FRMD4B: variants seen among roughly 807,000 people sequenced by gnomAD.
The protein encoded by FRMD4B is FERM domain-containing protein 4B.
Under a neutral mutation model 141.5 loss-of-function variants are expected in FRMD4B, and 74 were observed. The observed-to-expected ratio is 0.52, with a 90% CI of 0.43 to 0.63. FRMD4B has a LOEUF of 0.63. Among genes scored for constraint, FRMD4B ranks in the 30% least tolerant of loss-of-function variants. The probability of loss-of-function intolerance (pLI) is 0.00; values close to 1 mark genes in which losing one functional copy is unlikely to be tolerated. For missense variants in FRMD4B, 1,366 were observed against 1,253.4 expected (o/e 1.09, Z -1.36); for synonymous variants, 506 against 467.9 (o/e 1.08, Z -1.05).
intron 7 of FRMD4B, among the ~76,000 whole-genome samples, chr3:69,243,981 G>T (rs940837457): frequency 1.2e-4 from 18 of 152,274 alleles, no homozygotes; most frequent in African/African-American, 4.1e-4. Context: ...GGGAGGCGGA[G>T]GTTGCTGTGA....
chr3:69,405,179 T>G (rs1704628996), intron 2 of FRMD4B, among the ~76,000 whole-genome samples: 2 of 152,270 alleles, frequency 1.3e-5, no homozygotes, highest in South Asian at 4.1e-4. Context: ...TGCCATTGCT[T>G]CTTTTACACA....
chr3:69,325,604 T>C (rs1388101747), intron 1 of FRMD4B, among the ~76,000 whole-genome samples: 1 of 152,174 alleles, frequency 6.6e-6, no homozygotes, highest in Non-Finnish European at 1.5e-5. Flanking sequence ...CCTAAGAGAA[T>C]ATCATGGTAT....
chr3:69,320,229 T>A (rs538198463), intron 1 of FRMD4B, among the ~76,000 whole-genome samples: 47 of 152,190 alleles, frequency 3.1e-4, no homozygotes, highest in Middle Eastern at 3.4e-3. Flanking sequence ...AATTAAAAAA[T>A]TTTTTTTAAA....
At chr3:69,416,724 C>T (rs1307348776) in intron 2 of FRMD4B, among the ~76,000 whole-genome samples, 1 of 152,084 alleles carries the variant, frequency 6.6e-6, no homozygotes, top group African/African-American at 2.4e-5. Context: ...CCGATAGGCC[C>T]AGGTGTGTGA....
intron 1 of FRMD4B, among the ~76,000 whole-genome samples, chr3:69,532,856 C>T (rs892220386): frequency 7.2e-5 from 11 of 152,212 alleles, no homozygotes; most frequent in Non-Finnish European, 1.6e-4. Flanking sequence ...ACACTGTCGG[C>T]TGTTATAAGC....
intron 10 of FRMD4B, among the ~76,000 whole-genome samples, chr3:69,217,719 A>G (rs1003535626): frequency 6.6e-6 from 1 of 152,230 alleles, no homozygotes; most frequent in Non-Finnish European, 1.5e-5. Flanking sequence ...TGAATTGTAT[A>G]GAGATATGAA....
At chr3:69,358,000 C>T (rs1309000924) in intron 1 of FRMD4B, among the ~76,000 whole-genome samples, 1 of 152,146 alleles carries the variant, frequency 6.6e-6, no homozygotes, top group African/African-American at 2.4e-5. Context: ...TTCTGACCTT[C>T]GAAAAATTTG....
intron 1 of FRMD4B, among the ~76,000 whole-genome samples, chr3:69,382,109 G>A (rs1261141358): frequency 6.6e-6 from 1 of 152,148 alleles, no homozygotes. Context: ...GTGTGATCAT[G>A]GCTTACTGCA....
At position 69,386,029 on chromosome 3, in the gene FRMD4B, G is replaced by A. The variant is rs746587742; in HGVS notation, c.-40C>T. The A allele has an allele frequency of 2.0e-6, 3 of 1,518,812 alleles. No individual in the cohort carries two copies. The highest frequency in any genetic ancestry group is 1.4e-5 in the African/African-American group (1 of 72,124). The allele number at this position is 1,518,812 out of a possible 1,614,324, so 94.1% of individuals were successfully genotyped here. On this transcript the variant is annotated 5_prime_UTR_variant, in exon 1 of 23. It adds an upstream start codon to the 5' untranslated region. Coordinates refer to ENST00000398540, the MANE Select transcript of FRMD4B (RefSeq NM_015123.3). ...TCTGAACCCGGGCGTCCCGGCTCTC[G>A]TACGTGCAGCCCCGACCCCAGCGGC...
At chr3:69,500,519 G>T (rs990033858) in intron 1 of FRMD4B, among the ~76,000 whole-genome samples, 2 of 152,082 alleles carry the variant, frequency 1.3e-5, no homozygotes, top group African/African-American at 4.8e-5. Context: ...AATTAATGAA[G>T]AAACTACTTG....
chr3:69,408,091 C>T (rs564153555), intron 2 of FRMD4B, among the ~76,000 whole-genome samples: 1 of 152,240 alleles, frequency 6.6e-6, no homozygotes, highest in Admixed American at 6.5e-5. Flanking sequence ...GGCACAGCTG[C>T]GTGCCAATAA....
At chr3:69,184,120 C>A (rs1442994283) in intron 19 of FRMD4B, among the ~76,000 whole-genome samples, 1 of 151,598 alleles carries the variant, frequency 6.6e-6, no homozygotes, top group Non-Finnish European at 1.5e-5. Context: ...CCATGTTGGC[C>A]AGGCTGTTTT....
intron 10 of FRMD4B, among the ~76,000 whole-genome samples, chr3:69,217,344 G>C (rs2107732011): frequency 6.6e-6 from 1 of 152,332 alleles, no homozygotes; most frequent in Middle Eastern, 3.4e-3. Flanking sequence ...TTGGAGGCCA[G>C]GCGTGGTGGT....
At chr3:69,278,816 T>G (rs191592093) in intron 5 of FRMD4B, among the ~76,000 whole-genome samples, 185 of 152,114 alleles carry the variant, frequency 1.2e-3, no homozygotes, top group African/African-American at 4.3e-3. Flanking sequence ...CTGGAACTCC[T>G]GGGATCAAGC....
At chr3:69,317,090 AT>A (rs1701826785) in intron 1 of FRMD4B, among the ~76,000 whole-genome samples, 1 of 151,970 alleles carries the variant, frequency 6.6e-6, no homozygotes, top group South Asian at 2.1e-4. Context: ...CAAAAAAAAA[AT>A]CATCTTTTTT....
At chr3:69,261,952 G>A (rs193069588) in intron 5 of FRMD4B, among the ~76,000 whole-genome samples, 1 of 150,222 alleles carries the variant, frequency 6.7e-6, no homozygotes. Context: ...ATTACAGGCT[G>A]AGCCACCGTG....
intron 3 of FRMD4B, among the ~76,000 whole-genome samples, chr3:69,309,342 T>C (rs1013958533): frequency 2.0e-5 from 3 of 149,106 alleles, no homozygotes; most frequent in Non-Finnish European, 1.5e-5. Flanking sequence ...GGTCTCACTA[T>C]GTTGCCTAGG....
intron 1 of FRMD4B, among the ~76,000 whole-genome samples, chr3:69,320,228 A>AT (rs1476666360): frequency 3.9e-5 from 6 of 152,120 alleles, no homozygotes; most frequent in Non-Finnish European, 2.9e-5. Flanking sequence ...CAATTAAAAA[A>AT]TTTTTTTTAA....
chr3:69,254,467 T>C (rs1465390765), intron 5 of FRMD4B, among the ~76,000 whole-genome samples: 8 of 152,066 alleles, frequency 5.3e-5, no homozygotes, highest in Non-Finnish European at 7.4e-5. Flanking sequence ...ATTAATGTAA[T>C]CACAAATACC....
Sources: allele counts gnomAD v4.1 joint callset (sites outside exome capture counted in the v4.1 genomes callset), GRCh38; gene constraint gnomAD v4.1.1; transcripts MANE v1.5; gene names NCBI Gene and HGNC (gene_info 2026-07-23, HGNC 2026-07-21).